The following PTPRO variants were observed in gnomAD, a reference collection of about 807,000 sequenced individuals.
PTPRO encodes receptor-type tyrosine-protein phosphatase O.
Under a neutral mutation model 145.2 loss-of-function variants are expected in PTPRO, and 62 were observed. That is an observed-to-expected ratio of 0.43 (90% CI 0.35 to 0.53). The LOEUF is 0.53. PTPRO is among the 20% of genes least tolerant of loss of function. The probability of loss-of-function intolerance (pLI) is 0.01; values close to 1 mark genes in which losing one functional copy is unlikely to be tolerated. For missense variants in PTPRO, 1,345 were observed against 1,482.7 expected (o/e 0.91, Z 1.53); for synonymous variants, 565 against 514.7 (o/e 1.10, Z -1.32).
intron 1 of PTPRO, among the ~76,000 whole-genome samples, chr12:15,376,571 A>T (rs750970787): frequency 2.4e-4 from 37 of 152,186 alleles, no homozygotes; most frequent in Non-Finnish European, 5.1e-4. Context: ...AGAATGCTAT[A>T]ATAAAAATAC....
chr12:15,495,057 G>A (rs1942072903), intron 2 of PTPRO, among the ~76,000 whole-genome samples: 1 of 152,086 alleles, frequency 6.6e-6, no homozygotes, highest in Non-Finnish European at 1.5e-5. Flanking sequence ...TCAAGGGTTG[G>A]TTGATTGGTT....
chr12:15,486,934 G>A (rs1941900520), intron 2 of PTPRO, among the ~76,000 whole-genome samples: 1 of 152,060 alleles, frequency 6.6e-6, no homozygotes, highest in Non-Finnish European at 1.5e-5. Flanking sequence ...CTAGTCAATA[G>A]TTGAGCTGGG....
At chr12:15,573,785 G>A (rs1447544927) in intron 19 of PTPRO, among the ~76,000 whole-genome samples, 3 of 152,128 alleles carry the variant, frequency 2.0e-5, no homozygotes, top group Non-Finnish European at 4.4e-5. Flanking sequence ...GTCAGCGTCA[G>A]GGTTTCCTCA....
intron 1 of PTPRO, among the ~76,000 whole-genome samples, chr12:15,339,765 C>G (rs781156231): frequency 6.6e-6 from 1 of 152,112 alleles, no homozygotes; most frequent in African/African-American, 2.4e-5. Context: ...AATTTGCCAT[C>G]GTTTACTGTA....
At chr12:15,378,762 C>T (rs1201533702) in intron 1 of PTPRO, among the ~76,000 whole-genome samples, 2 of 152,116 alleles carry the variant, frequency 1.3e-5, no homozygotes, top group East Asian at 3.9e-4. Context: ...TAAGAAGCTA[C>T]AGAAGGGGAG....
At chr12:15,366,718 C>G (rs147949413) in intron 1 of PTPRO, among the ~76,000 whole-genome samples, 7 of 152,190 alleles carry the variant, frequency 4.6e-5, no homozygotes, top group African/African-American at 1.7e-4. Flanking sequence ...AATGTTTCAT[C>G]TTCACCTGTT....
At chr12:15,515,807 T>TG (rs945643637) in intron 8 of PTPRO, among the ~76,000 whole-genome samples, 189 bp downstream of exon 8, 6 of 152,082 alleles carry the variant, frequency 3.9e-5, no homozygotes, top group Admixed American at 1.3e-4. Flanking sequence ...ATTTATTACT[T>TG]GGGGAAAAAA....
intron 1 of PTPRO, among the ~76,000 whole-genome samples, chr12:15,427,123 A>T (rs1481581335): frequency 6.6e-6 from 1 of 151,980 alleles, no homozygotes; most frequent in Admixed American, 6.6e-5. Flanking sequence ...TTAGGCTCTT[A>T]GATGCTCACA....
intron 10 of PTPRO, among the ~76,000 whole-genome samples, chr12:15,520,769 G>A (rs10846189): frequency 0.99 from 150,765 of 152,302 alleles, 74,637 homozygotes; most frequent in Middle Eastern, 1. Context: ...TTAGAGACAG[G>A]TAGATCTGGA....
chr12:15,570,881 C>T (rs1944030922), intron 19 of PTPRO, among the ~76,000 whole-genome samples: 1 of 152,138 alleles, frequency 6.6e-6, no homozygotes, highest in South Asian at 2.1e-4. Flanking sequence ...CTGCTGGCAA[C>T]TCACAGTTTA....
chr12:15,353,513 A>T (rs1937880564), intron 1 of PTPRO, among the ~76,000 whole-genome samples: 1 of 152,194 alleles, frequency 6.6e-6, no homozygotes, highest in South Asian at 2.1e-4. Context: ...CCAAATCAGG[A>T]CGATAAGTTG....
At chr12:15,427,987 A>C (rs1177920926) in intron 1 of PTPRO, among the ~76,000 whole-genome samples, 1 of 152,164 alleles carries the variant, frequency 6.6e-6, no homozygotes, top group African/African-American at 2.4e-5. Context: ...TTATCAATGT[A>C]GGTAACTACA....
At chr12:15,488,735 A>G (rs192644667) in intron 2 of PTPRO, among the ~76,000 whole-genome samples, 104 of 152,330 alleles carry the variant, frequency 6.8e-4, no homozygotes, top group Non-Finnish European at 1.1e-3. Context: ...AAGCTGAAAA[A>G]CATGGCAAAG....
chr12:15,470,142 T>C (rs1941507208), intron 1 of PTPRO, among the ~76,000 whole-genome samples: 1 of 152,194 alleles, frequency 6.6e-6, no homozygotes, highest in Admixed American at 6.5e-5. Flanking sequence ...AGTCACAGTT[T>C]GTGCTGAGGG....
At chr12:15,579,736 G>T (rs1349909669) in intron 20 of PTPRO, among the ~76,000 whole-genome samples, 1 of 152,024 alleles carries the variant, frequency 6.6e-6, no homozygotes, top group African/African-American at 2.4e-5. Flanking sequence ...TACTATAGCT[G>T]TCCAATCAAT....
chr12:15,422,997 AT>A (rs761203343), intron 1 of PTPRO, among the ~76,000 whole-genome samples: 1 of 152,184 alleles, frequency 6.6e-6, no homozygotes, highest in Non-Finnish European at 1.5e-5. Context: ...GATCATGTTG[AT>A]ATGCAAAGGG....
chr12:15,549,294 T>A (rs755414211), intron 14 of PTPRO, 68 bp downstream of exon 14: 9 of 1,216,760 alleles, frequency 7.4e-6, no homozygotes, highest in Non-Finnish European at 9.7e-6. Flanking sequence ...TGTATTTGTA[T>A]CAATATTCCA....
At chr12:15,392,468 C>T (rs7305740) in intron 1 of PTPRO, among the ~76,000 whole-genome samples, 1 of 151,428 alleles carries the variant, frequency 6.6e-6, no homozygotes, top group Non-Finnish European at 1.5e-5. Flanking sequence ...TCCCTATAAT[C>T]CCAGCACTTT....
chr12:15,333,549 G>A (rs1370870510), intron 1 of PTPRO, among the ~76,000 whole-genome samples: 1 of 152,196 alleles, frequency 6.6e-6, no homozygotes, highest in Non-Finnish European at 1.5e-5. Context: ...TGGAAGGTAT[G>A]GGACAGACTC....
Sources: allele counts gnomAD v4.1 joint callset (sites outside exome capture counted in the v4.1 genomes callset), GRCh38; gene constraint gnomAD v4.1.1; transcripts MANE v1.5; gene names NCBI Gene and HGNC (gene_info 2026-07-23, HGNC 2026-07-21).